PCLO: variants seen among roughly 807,000 people sequenced by gnomAD.
PCLO encodes piccolo presynaptic cytomatrix protein, also known as protein piccolo.
In PCLO, 82 loss-of-function variants were observed where a neutral mutation model predicts 427.5. The ratio of observed to expected loss-of-function variants is 0.19; its 90% CI spans 0.16 to 0.23. PCLO has a LOEUF of 0.23. PCLO is among the 10% of genes least tolerant of loss of function. PCLO has a pLI of 1.00. For missense variants in PCLO, 6,239 were observed against 6,115.9 expected (o/e 1.02, Z -0.67); for synonymous variants, 2,357 against 2,155.4 (o/e 1.09, Z -2.59).
rs758585139 is a variant in PCLO at position 82,956,543 on chromosome 7, C to G, written c.4410G>C (p.Glu1470Asp). Reference sequence around the variant, plus strand: ...AAGTGTCTTTCCTTTCTTCTTGACTCTCTTTGATCTCCTCTTCTGAAATAG... The same window carrying G: ...AAGTGTCTTTCCTTTCTTCTTGACTGTCTTTGATCTCCTCTTCTGAAATAG... ...EITISEEEIK[E>D]SQEERKDTFK... The change falls in exon 5 of 25, where the codon GAG becomes GAC. Residue 1470 changes from glutamate to aspartate, a missense_variant. This residue lies in a region of PCLO where 4,677 missense variants were observed against 4,468.4 expected (regional missense o/e 1.05). Coordinates refer to ENST00000333891, the MANE Select transcript of PCLO (RefSeq NM_033026.6). 3 of 1,612,726 alleles carry G rather than the reference C, an allele frequency of 1.9e-6. No individual in the cohort carries two copies. In the South Asian group the frequency reaches 3.3e-5, roughly 18 times the overall value.
intron 3 of PCLO, among the ~76,000 whole-genome samples, chr7:82,966,804 T>C (rs1272954856): frequency 1.3e-5 from 2 of 152,208 alleles, no homozygotes; most frequent in Admixed American, 6.5e-5. Flanking sequence ...AAAATCTGCA[T>C]TTGTTCCAAA....
chr7:83,031,815 C>G (rs1404447385), intron 3 of PCLO, among the ~76,000 whole-genome samples: 1 of 149,830 alleles, frequency 6.7e-6, no homozygotes, highest in Non-Finnish European at 1.5e-5. Flanking sequence ...TTCAGACCCA[C>G]TAGAAAGAAT....
In PCLO at chr7:83,162,813, C is replaced by G; in HGVS notation, c.-221G>C. On this transcript the variant is annotated 5_prime_UTR_variant, in exon 1 of 25. Coordinates refer to ENST00000333891, the MANE Select transcript of PCLO (RefSeq NM_033026.6). The stretch of plus-strand genomic sequence containing the variant: ...CCGGTGCCTCCTCCATGTTGGACAG[C>G]GCCAGGCAACCTTTGCAGAAGACAC... The G allele has an allele frequency of 1.7e-6, 1 of 592,388 alleles. No homozygotes were observed. Among genetic ancestry groups the G allele is most frequent in the South Asian group, 2.2e-5 (1 of 45,400 alleles). The allele number at this position is 592,388 out of a possible 1,614,324, so 36.7% of individuals were successfully genotyped here.
intron 3 of PCLO, among the ~76,000 whole-genome samples, chr7:83,068,318 A>G (rs1789720174): frequency 6.6e-6 from 1 of 152,182 alleles, no homozygotes; most frequent in African/African-American, 2.4e-5. Context: ...TAAAATGTTT[A>G]TTCTTTAATA....
At chr7:83,130,762 T>C (rs923626615) in intron 3 of PCLO, among the ~76,000 whole-genome samples, 1 of 152,112 alleles carries the variant, frequency 6.6e-6, no homozygotes, top group Non-Finnish European at 1.5e-5. Flanking sequence ...AGAGTAAAGA[T>C]CTCAAAAAAT....
intron 4 of PCLO, among the ~76,000 whole-genome samples, chr7:82,965,003 T>C (rs1258621129): frequency 6.6e-6 from 1 of 152,144 alleles, no homozygotes; most frequent in African/African-American, 2.4e-5. Context: ...TTCAATTAAG[T>C]ATAATGTAAG....
At chr7:83,022,890 C>T (rs939381897) in intron 3 of PCLO, among the ~76,000 whole-genome samples, 1 of 152,044 alleles carries the variant, frequency 6.6e-6, no homozygotes, top group Non-Finnish European at 1.5e-5. Context: ...ACTTTATGGA[C>T]AAAAGTTGAA....
Position 82,755,857 on chromosome 7 carries a change from C to G in PCLO, c.*2718G>C, listed in dbSNP as rs1254876972. 6.6e-6 allele frequency: 1 copy of G among 152,064 alleles called. No homozygotes were observed. Among genetic ancestry groups the G allele is most frequent in the African/African-American group, 2.4e-5 (1 of 41,416 alleles). The allele number at this position is 152,064 out of a possible 1,614,324, so 9.4% of individuals were successfully genotyped here. A position where few individuals can be genotyped will look rare whatever the true frequency, so the allele number is the denominator to read the frequency against. On this transcript the variant is annotated 3_prime_UTR_variant, in exon 25 of 25. Coordinates refer to ENST00000333891, the MANE Select transcript of PCLO (RefSeq NM_033026.6). ...AGTGTTGCATAGAATAATTCCAGTA[C>G]AACCTAGAAGTTTGGTCAGCTGCAA...
intron 3 of PCLO, among the ~76,000 whole-genome samples, chr7:82,987,831 A>G (rs1433353065): frequency 2.0e-5 from 3 of 152,104 alleles, no homozygotes; most frequent in Non-Finnish European, 4.4e-5. Flanking sequence ...GTTCTTTCCC[A>G]TTCACAAATA....
At chr7:83,074,872 T>C (rs1170886799) in intron 3 of PCLO, among the ~76,000 whole-genome samples, 2 of 152,086 alleles carry the variant, frequency 1.3e-5, no homozygotes, top group African/African-American at 4.8e-5. Flanking sequence ...GAAAGAAAAA[T>C]TTCTTTAGGT....
At chr7:82,894,126 C>T (rs1793843304) in intron 9 of PCLO, among the ~76,000 whole-genome samples, 1 of 151,062 alleles carries the variant, frequency 6.6e-6, no homozygotes, top group South Asian at 2.1e-4. Context: ...TAAAAAGTTG[C>T]CAAAATCATA....
intron 10 of PCLO, among the ~76,000 whole-genome samples, chr7:82,862,257 T>C (rs1170923149): frequency 2.0e-5 from 3 of 151,950 alleles, no homozygotes; most frequent in African/African-American, 7.2e-5. Context: ...AAATATAATT[T>C]CACCCCAGTT....
At chr7:83,124,486 G>A (rs1188542000) in intron 3 of PCLO, among the ~76,000 whole-genome samples, 1 of 152,100 alleles carries the variant, frequency 6.6e-6, no homozygotes. Flanking sequence ...ATTTAGAATG[G>A]CTTTTATCCA....
chr7:83,125,099 CG>C (rs1562976518), intron 3 of PCLO, among the ~76,000 whole-genome samples: 1 of 137,282 alleles, frequency 7.3e-6, no homozygotes, highest in African/African-American at 2.5e-5. Context: ...GATCTCGGCT[CG>C]CTACAACCTC....
intron 2 of PCLO, among the ~76,000 whole-genome samples, chr7:83,146,832 C>T (rs994032663): frequency 6.6e-6 from 1 of 151,914 alleles, no homozygotes; most frequent in Admixed American, 6.6e-5. Flanking sequence ...GAACTCCTGA[C>T]CTCAGATGAT....
intron 3 of PCLO, among the ~76,000 whole-genome samples, chr7:83,039,229 TA>T (rs2116200332): frequency 6.6e-6 from 1 of 152,188 alleles, no homozygotes; most frequent in South Asian, 2.1e-4. Flanking sequence ...TGATAAAGTC[TA>T]ATTCATTTTT....
At chr7:83,004,862 A>C (rs1787909413) in intron 3 of PCLO, among the ~76,000 whole-genome samples, 1 of 151,712 alleles carries the variant, frequency 6.6e-6, no homozygotes. Context: ...AAATGGGCAA[A>C]GGACATGGAT....
rs992340803 is a variant in PCLO at position 83,134,678 on chromosome 7, T to G, written c.2872A>C (p.Ser958Arg). Residue 958 changes from serine to arginine, a missense_variant, in exon 3 of 25, where the codon AGT (serine) becomes CGT (arginine). Physicochemically the swap from Ser to Arg is moderately radical, Grantham distance 110. Coordinates refer to ENST00000333891, the MANE Select transcript of PCLO (RefSeq NM_033026.6). ...TAGQPGPHSQ[S>R]GPGAPMKQAP... ...TGTTTCATTGGGGCCCCTGGTCCACTTTGTGAATGAGGTCCAGGTTGGCCT... is the reference window on the plus strand; with the variant it reads ...TGTTTCATTGGGGCCCCTGGTCCACGTTGTGAATGAGGTCCAGGTTGGCCT... 6.2e-7 allele frequency: 1 copy of G among 1,613,660 alleles called. No homozygotes were observed. Among genetic ancestry groups the G allele is most frequent in the African/African-American group, 1.3e-5 (1 of 74,880 alleles).
At position 82,889,171 on chromosome 7, in the gene PCLO, C is replaced by A. The variant is rs1793700193; in HGVS notation, c.13529-9709G>T. ...GGTTGTTCAGTGTTCCCCAGCACAA[C>A]CCCCGTGTGGCTCTGTGTCATGTGT... is the stretch of plus-strand genomic sequence containing the variant. On this transcript the variant is annotated intron_variant, in intron 9 of 24. Transcript: ENST00000333891. Among the ~76,000 whole-genome samples the A allele has an allele frequency of 3.9e-5, 6 of 152,036 alleles. No individual in the cohort carries two copies. The South Asian group carries it at 1.2e-3, about 32-fold the overall frequency.
Sources: gnomAD v4.1 joint callset for allele counts (sites outside exome capture counted in the v4.1 genomes callset) on GRCh38, gnomAD v4.1.1 for gene constraint, gnomAD v4.1.1 regional missense constraint, MANE v1.5 for transcripts, NCBI Gene and HGNC (gene_info 2026-07-23, HGNC 2026-07-21) for gene names.